FREM2: variants seen among roughly 807,000 people sequenced by gnomAD.
FREM2 encodes the protein FRAS1 related extracellular matrix 2.
In FREM2, 119 loss-of-function variants were observed where a neutral mutation model predicts 219.9. The ratio of observed to expected loss-of-function variants is 0.54; its 90% CI spans 0.47 to 0.63. The LOEUF is 0.63. Among genes scored for constraint, FREM2 ranks in the 30% least tolerant of loss-of-function variants. FREM2 has a pLI of 0.00. For synonymous variants in FREM2, 1,562 were observed against 1,522.8 expected (o/e 1.03, Z -0.60); for missense variants, 4,030 against 3,993.6 (o/e 1.01, Z -0.25).
chr13:38,764,187 TCAAA>T, intron 2 of FREM2, 113 bp from the exon 3 acceptor site: 2 of 748,530 alleles, frequency 2.7e-6, no homozygotes, highest in Non-Finnish European at 4.8e-6. Flanking sequence ...GAGTTGTGTA[TCAAA>T]CTAAGTAGCT....
chr13:38,809,780 G>A (rs1233312336), intron 6 of FREM2, among the ~76,000 whole-genome samples: 3 of 152,000 alleles, frequency 2.0e-5, no homozygotes, highest in African/African-American at 7.2e-5. Flanking sequence ...CTTCAGTTTT[G>A]TTCTTTTGCT....
rs1199075629 is a variant in FREM2 at position 38,859,318 on chromosome 13, A to T, written c.7247A>T (p.Lys2416Ile). The change falls in exon 14 of 24, where the codon AAA (lysine) becomes ATA (isoleucine). Residue 2416 changes from lysine to isoleucine, a missense_variant. By Grantham distance (102) the Lys-to-Ile change is moderately radical. Transcript: ENST00000280481. Reference protein sequence around the residue: ...ACNPKYSDYDKTGSICASENI... With the variant: ...ACNPKYSDYDITGSICASENI... ...AACCCCAAATATTCAGACTACGATAAAACAGGCTCTATCTGTGCAAGTGAG... is the reference window on the plus strand; with the variant it reads ...AACCCCAAATATTCAGACTACGATATAACAGGCTCTATCTGTGCAAGTGAG... 6.2e-7 allele frequency: 1 copy of T among 1,614,084 alleles called. No individual in the cohort carries two copies. Among genetic ancestry groups the T allele is most frequent in the Non-Finnish European group, 8.5e-7 (1 of 1,180,046 alleles).
chr13:38,871,565 G>GA (rs987594577), intron 16 of FREM2, among the ~76,000 whole-genome samples: 1 of 152,050 alleles, frequency 6.6e-6, no homozygotes, highest in African/African-American at 2.4e-5. Context: ...AGACAGAATA[G>GA]AAAAAAAACA....
At chr13:38,853,313 G>T (rs150495901) in intron 11 of FREM2, among the ~76,000 whole-genome samples, 11 of 121,478 alleles carry the variant, frequency 9.1e-5, no homozygotes, top group South Asian at 2.6e-4. Flanking sequence ...GCAAAACTCC[G>T]TCTGAAAAAA....
At chr13:38,820,899 A>T (rs1212164758) in intron 6 of FREM2, among the ~76,000 whole-genome samples, 1 of 152,198 alleles carries the variant, frequency 6.6e-6, no homozygotes, top group Non-Finnish European at 1.5e-5. Flanking sequence ...TCTACTGTTG[A>T]AAACATGTAC....
chr13:38,857,927 C>G lies in FREM2; in HGVS notation c.7109C>G (p.Thr2370Ser). 1 of 1,613,738 alleles carries G rather than the reference C, an allele frequency of 6.2e-7. No individual in the cohort carries two copies. Among genetic ancestry groups the G allele is most frequent in the Non-Finnish European group, 8.5e-7 (1 of 1,179,624 alleles). ...IEEMSSMADV[T>S]FPSVPQIVSL... is the part of the protein sequence containing the mutation. Reference sequence around the variant, plus strand: ...GAAATGAGCAGCATGGCAGATGTCACTTTTCCTTCTGTCCCTCAAATTGTA... The same window carrying G: ...GAAATGAGCAGCATGGCAGATGTCAGTTTTCCTTCTGTCCCTCAAATTGTA... The change falls in exon 13 of 24, where the codon ACT (threonine) becomes AGT (serine). Residue 2370 changes from threonine (T) to serine (S), a missense_variant. This residue lies in a region of FREM2 where 928 missense variants were observed against 1,042.9 expected (regional missense o/e 0.89). Coordinates refer to ENST00000280481, the MANE Select transcript of FREM2 (RefSeq NM_207361.6).
intron 6 of FREM2, among the ~76,000 whole-genome samples, chr13:38,825,134 A>G (rs1876229671): frequency 6.6e-6 from 1 of 152,062 alleles, no homozygotes; most frequent in Non-Finnish European, 1.5e-5. Context: ...TAGAATACCA[A>G]TATGTTTAGC....
intron 2 of FREM2, among the ~76,000 whole-genome samples, chr13:38,763,464 C>CTTTTTTTTTT (rs1163604743): frequency 0.15 from 15,058 of 101,880 alleles, 1,872 homozygotes; most frequent in East Asian, 0.42. Flanking sequence ...GTTACTTGGG[C>CTTTTTTTTTT]TTTTTTTTTT....
At position 38,769,596 on chromosome 13, in the gene FREM2, G is replaced by A. The variant is rs941240524; in HGVS notation, c.5429G>A (p.Arg1810Lys). 1.2e-6 allele frequency: 2 copies of A among 1,613,828 alleles called. No individual in the cohort carries two copies. The highest frequency in any genetic ancestry group is 2.7e-5 in the African/African-American group (2 of 74,932). ...TSFISIGTRD[R>K]TAEKDKDFKG... The stretch of plus-strand genomic sequence containing the variant: ...TGTGAAGGTATTGGCACAAGAGACA[G>A]AACTGCAGAAAAAGACAAAGACTTC... Residue 1810 changes from arginine to lysine, a missense_variant, in exon 4 of 24, where the codon AGA becomes AAA. Physicochemically the swap from Arg to Lys is conservative, Grantham distance 26 (BLOSUM62 2). Transcript: ENST00000280481.
At chr13:38,817,628 C>T (rs774145825) in intron 6 of FREM2, among the ~76,000 whole-genome samples, 2 of 151,916 alleles carry the variant, frequency 1.3e-5, no homozygotes, top group Non-Finnish European at 2.9e-5. Context: ...AGGAGAAACA[C>T]ATCAGAGCAT....
chr13:38,751,864 CTGTGTGTG>C (rs59365871), intron 2 of FREM2, among the ~76,000 whole-genome samples: 48 of 129,986 alleles, frequency 3.7e-4, no homozygotes, highest in South Asian at 5.1e-4. Context: ...TGTACTTACT[CTGTGTGTG>C]TGTGTGTGTG....
At chr13:38,864,692 C>T in intron 16 of FREM2, 86 bp downstream of exon 16, 6 of 1,175,044 alleles carry the variant, frequency 5.1e-6, no homozygotes, top group Non-Finnish European at 7.6e-6. Flanking sequence ...GTCCCAACTC[C>T]AGTTTTCCAT....
chr13:38,728,572 A>AT (rs960884251), intron 2 of FREM2, among the ~76,000 whole-genome samples: 10 of 149,514 alleles, frequency 6.7e-5, no homozygotes, highest in South Asian at 2.1e-4. Context: ...TGCCCAGCTA[A>AT]TTTTTTTTTT....
chr13:38,857,767 C>T (rs1424508276), intron 12 of FREM2, 108 bp from the exon 13 acceptor site: 2 of 931,470 alleles, frequency 2.1e-6, no homozygotes, highest in Non-Finnish European at 3.5e-6. Flanking sequence ...CAATTTGCAT[C>T]ATAACGAGGC....
intron 2 of FREM2, among the ~76,000 whole-genome samples, chr13:38,699,544 A>T (rs577138834): frequency 1.2e-4 from 19 of 152,272 alleles, no homozygotes; most frequent in African/African-American, 4.1e-4. Flanking sequence ...AAGTAGGAAC[A>T]TATCATTTTA....
chr13:38,788,381 A>C (rs1874417438), intron 6 of FREM2, among the ~76,000 whole-genome samples: 1 of 152,132 alleles, frequency 6.6e-6, no homozygotes, highest in African/African-American at 2.4e-5. Context: ...GGGATGGTTT[A>C]TCTATTAATA....
rs1464430253 is a variant in FREM2, at chr13:38,886,336, A to G, written c.*5549A>G. On this transcript the variant is annotated 3_prime_UTR_variant, in exon 24 of 24. Transcript: ENST00000280481. Reference sequence around the variant, plus strand: ...TGCAAGTTGTTGGCAAAATATATATATACACACACACACACATACACACAC... The same window carrying G: ...TGCAAGTTGTTGGCAAAATATATATGTACACACACACACACATACACACAC... The G allele has an allele frequency of 1.3e-5, 2 of 152,086 alleles. No homozygotes were observed. The highest frequency in any genetic ancestry group is 6.5e-5 in the Admixed American group (1 of 15,274). The allele number at this position is 152,086 out of a possible 1,614,324, so 9.4% of individuals were successfully genotyped here. A position where few individuals can be genotyped will look rare whatever the true frequency, so the allele number is the denominator to read the frequency against.
intron 1 of FREM2, among the ~76,000 whole-genome samples, chr13:38,693,629 T>C (rs752954373): frequency 2.6e-5 from 4 of 152,342 alleles, no homozygotes; most frequent in Middle Eastern, 6.8e-3. Context: ...ATCTTTCCTA[T>C]GTGGGATCCA....
intron 11 of FREM2, among the ~76,000 whole-genome samples, chr13:38,854,374 A>T (rs1877481628): frequency 6.6e-6 from 1 of 152,188 alleles, no homozygotes; most frequent in South Asian, 2.1e-4. Context: ...AATGAAAACG[A>T]GTAAACCAAG....
Sources: allele counts gnomAD v4.1 joint callset (sites outside exome capture counted in the v4.1 genomes callset), GRCh38; gene constraint gnomAD v4.1.1; regional missense constraint gnomAD v4.1.1; transcripts MANE v1.5; gene names NCBI Gene and HGNC (gene_info 2026-07-23, HGNC 2026-07-21).